MORC3: variants seen among roughly 807,000 people sequenced by gnomAD.
The protein encoded by MORC3 is MORC family CW-type zinc finger protein 3.
A neutral mutation model predicts 109.1 loss-of-function variants in MORC3; 31 were observed. That is an observed-to-expected ratio of 0.28 (90% CI 0.21 to 0.38). The LOEUF is 0.38. MORC3 is among the 10% of genes least tolerant of loss of function. The pLI, the probability that MORC3 is intolerant of heterozygous loss-of-function variation, is 1.00. For missense variants in MORC3, 867 were observed against 1,135.8 expected (o/e 0.76, Z 3.40); for synonymous variants, 395 against 380.7 (o/e 1.04, Z -0.44).
chr21:36,344,267 A>AT (rs1417781571), intron 6 of MORC3, among the ~76,000 whole-genome samples: 1 of 152,018 alleles, frequency 6.6e-6, no homozygotes, highest in African/African-American at 2.4e-5. Context: ...ACATATATAC[A>AT]TTTTTTAAAA....
intron 5 of MORC3, chr21:36,339,287 C>T (rs142528800): frequency 0.026 from 4,190 of 161,396 alleles, 77 homozygotes; most frequent in Admixed American, 0.047. Flanking sequence ...GCCCGGCTAA[C>T]TTTTGTATTT....
At chr21:36,354,390 C>G (rs142908920) in intron 9 of MORC3, among the ~76,000 whole-genome samples, 1 of 148,260 alleles carries the variant, frequency 6.7e-6, no homozygotes, top group Non-Finnish European at 1.5e-5. Context: ...CTGCAACCTC[C>G]GCCTCCCAGG....
chr21:36,363,870 C>T (rs2085747592), intron 13 of MORC3, among the ~76,000 whole-genome samples: 1 of 152,140 alleles, frequency 6.6e-6, no homozygotes, highest in Non-Finnish European at 1.5e-5. Flanking sequence ...TGCTTTGTTT[C>T]TTCACACCTT....
At chr21:36,334,086 C>T (rs1405617360) in intron 2 of MORC3, among the ~76,000 whole-genome samples, 2 of 151,940 alleles carry the variant, frequency 1.3e-5, no homozygotes, top group African/African-American at 4.8e-5. Flanking sequence ...CGCACCCGGC[C>T]TACAAAAATA....
chr21:36,331,502 G>A (rs1044494264), intron 1 of MORC3, among the ~76,000 whole-genome samples: 3 of 152,258 alleles, frequency 2.0e-5, no homozygotes, highest in African/African-American at 4.8e-5. Flanking sequence ...GGAGGCTGAG[G>A]CAGGAGAATG....
chr21:36,361,936 A>G (rs2085721570), intron 12 of MORC3: 3 of 540,780 alleles, frequency 5.5e-6, no homozygotes, highest in African/African-American at 1.9e-5. Flanking sequence ...GGACTGAGTT[A>G]TCTGGTCTTA....
intron 14 of MORC3, among the ~76,000 whole-genome samples, chr21:36,367,369 G>A (rs904460898): frequency 1.7e-4 from 26 of 152,178 alleles, no homozygotes; most frequent in African/African-American, 5.3e-4. Flanking sequence ...TTAGGTATAC[G>A]CAGATCGCCC....
At position 36,369,777 on chromosome 21, in the gene MORC3, T is replaced by C; in HGVS notation, c.2409T>C (p.Asn803=). The C allele has an allele frequency of 1.2e-6, 2 of 1,614,048 alleles. No individual in the cohort carries two copies. The highest frequency in any genetic ancestry group is 8.5e-7 in the Non-Finnish European group (1 of 1,179,938). The stretch of plus-strand genomic sequence containing the variant: ...CTGAATGCAGCCAGTGTTCCAATAA[T>C]GAGAGTAAAAGTGAAATGGATGAGA... The part of the protein sequence containing the change: ...VKAECSQCSN[N]ESKSEMDEMA... Residue 803 remains asparagine, a synonymous_variant, in exon 15 of 17, where the codon AAT becomes AAC. Transcript: ENST00000400485.
chr21:36,349,160 A>G lies in MORC3; in HGVS notation c.1006-151A>G, dbSNP rs1005061525. 4.8e-6 allele frequency: 3 copies of G among 623,592 alleles called. No homozygotes were observed. In the African/African-American group the frequency reaches 5.8e-5, roughly 12 times the overall value. The allele number at this position is 623,592 out of a possible 1,614,324, so 38.6% of individuals were successfully genotyped here. On this transcript the variant is annotated intron_variant, in intron 8 of 16. Coordinates refer to ENST00000400485, the MANE Select transcript of MORC3 (RefSeq NM_015358.3). ...GTGACCAAATGAGACTCTGTCTCAA[A>G]AAAATAAAAACAAATAAAAATAAAA...
chr21:36,363,048 T>TA (rs2085738405), intron 13 of MORC3, among the ~76,000 whole-genome samples: 1 of 152,128 alleles, frequency 6.6e-6, no homozygotes, highest in Non-Finnish European at 1.5e-5. Context: ...TCTTAATACT[T>TA]ACTGTGTTAA....
intron 2 of MORC3, among the ~76,000 whole-genome samples, chr21:36,335,183 AT>A (rs1452922409): frequency 6.6e-6 from 1 of 152,210 alleles, no homozygotes; most frequent in East Asian, 1.9e-4. Flanking sequence ...TAATTGAAAA[AT>A]TTAGGCATAT....
intron 4 of MORC3, 120 bp downstream of exon 4, chr21:36,338,066 C>G: frequency 1.0e-6 from 1 of 967,122 alleles, no homozygotes; most frequent in Middle Eastern, 3.1e-4. Context: ...CCATTTCTTA[C>G]CTCTGTCCTC....
chr21:36,328,486 G>T (rs759950666), intron 1 of MORC3, among the ~76,000 whole-genome samples: 1 of 151,810 alleles, frequency 6.6e-6, no homozygotes, highest in African/African-American at 2.4e-5. Context: ...GGACACAGGC[G>T]CGCACCACCA....
At chr21:36,357,130 A>G (rs954224620) in intron 10 of MORC3, among the ~76,000 whole-genome samples, 1 of 152,202 alleles carries the variant, frequency 6.6e-6, no homozygotes. Context: ...TTTCTTGTGT[A>G]TAAAATGGGA....
Position 36,375,342 on chromosome 21 carries a change from G to T in MORC3, c.*46G>T. On this transcript the variant is annotated 3_prime_UTR_variant, in exon 17 of 17. Coordinates refer to ENST00000400485, the MANE Select transcript of MORC3 (RefSeq NM_015358.3). ...AAATATTTGCTCAATTCTTTTGGTTGTACAGCTTTCAAAATATAATTAATT... is the reference window on the plus strand; with the variant it reads ...AAATATTTGCTCAATTCTTTTGGTTTTACAGCTTTCAAAATATAATTAATT... 6.6e-7 allele frequency: 1 copy of T among 1,511,656 alleles called. No homozygotes were observed. Among genetic ancestry groups the T allele is most frequent in the African/African-American group, 1.4e-5 (1 of 71,844 alleles). 93.6% of individuals were successfully genotyped at this position (1,511,656 alleles called of 1,614,324 possible). A position where few individuals can be genotyped will look rare whatever the true frequency, so the allele number is the denominator to read the frequency against.
chr21:36,351,313 G>A (rs1298735215), intron 9 of MORC3, among the ~76,000 whole-genome samples: 4 of 151,996 alleles, frequency 2.6e-5, no homozygotes, highest in Admixed American at 1.3e-4. Flanking sequence ...TGATCCACCC[G>A]CCTTGGCCTC....
intron 2 of MORC3, among the ~76,000 whole-genome samples, chr21:36,334,639 A>G (rs193159962): frequency 1.3e-5 from 2 of 152,318 alleles, no homozygotes; most frequent in Admixed American, 1.3e-4. Flanking sequence ...TGTGTAACAT[A>G]CAGCATGGAT....
chr21:36,352,624 T>C (rs2085585792), intron 9 of MORC3, among the ~76,000 whole-genome samples: 1 of 151,836 alleles, frequency 6.6e-6, no homozygotes, highest in Non-Finnish European at 1.5e-5. Context: ...AGTTTCAGAT[T>C]TGGAGCAATT....
At chr21:36,349,226 A>C (rs578104831) in intron 8 of MORC3, 85 bp from the exon 9 acceptor site, 1 of 834,252 alleles carries the variant, frequency 1.2e-6, no homozygotes, top group African/African-American at 1.8e-5. Context: ...ATATAGAAAA[A>C]TATACAAACT....
Sources: gnomAD v4.1 joint callset for allele counts (sites outside exome capture counted in the v4.1 genomes callset) on GRCh38, gnomAD v4.1.1 for gene constraint, MANE v1.5 for transcripts, NCBI Gene and HGNC (gene_info 2026-07-23, HGNC 2026-07-21) for gene names.